Variants in SH3KBP1 observed in about 807,000 individuals in gnomAD.
The protein encoded by SH3KBP1 is SH3 domain-containing kinase-binding protein 1.
In SH3KBP1, 8 loss-of-function variants were observed where a neutral mutation model predicts 50.1. The ratio of observed to expected loss-of-function variants is 0.16; its 90% CI spans 0.09 to 0.29. The LOEUF is 0.29. SH3KBP1 is among the 10% of genes least tolerant of loss of function. The pLI is 1.00. For missense variants in SH3KBP1, 377 were observed against 535.2 expected (o/e 0.70, Z 2.92); for synonymous variants, 227 against 218.6 (o/e 1.04, Z -0.34).
At chrX:19,668,955 TATATATATATATATATA>T (rs1569404784) in intron 6 of SH3KBP1, among the ~76,000 whole-genome samples, 2 of 78,587 alleles carry the variant, frequency 2.5e-5, no homozygotes, top group African/African-American at 8.8e-5. Flanking sequence ...TATATATATA[TATATATATATATATATA>T]TATTTTTTGA....
intron 7 of SH3KBP1, among the ~76,000 whole-genome samples, chrX:19,637,495 T>C (rs959868020): frequency 9.0e-6 from 1 of 111,629 alleles, no homozygotes; most frequent in African/African-American, 3.3e-5. Flanking sequence ...AGTGTCAGAG[T>C]ATCTGAAACG....
At chrX:19,707,252 T>C (rs943848891) in intron 3 of SH3KBP1, among the ~76,000 whole-genome samples, 4 of 111,792 alleles carry the variant, frequency 3.6e-5, no homozygotes, top group African/African-American at 1.3e-4. Context: ...ACCCCACCCC[T>C]GAAGCACTGG....
At chrX:19,638,724 G>A (rs1253406409) in intron 7 of SH3KBP1, among the ~76,000 whole-genome samples, 1 of 111,799 alleles carries the variant, frequency 8.9e-6, no homozygotes, top group Non-Finnish European at 1.9e-5. Flanking sequence ...GGGGGTGGGT[G>A]TGCCATATGC....
Position 19,828,275 on chromosome X carries a change from C to T in SH3KBP1, c.162+7850G>A, listed in dbSNP as rs751352902. Among the ~76,000 whole-genome samples, 12 of 105,471 alleles carry T rather than the reference C, an allele frequency of 1.1e-4. No homozygotes were observed. The South Asian group carries it at 4.4e-3, about 39-fold the overall frequency. 91.6% of individuals were successfully genotyped at this position (105,471 alleles called of 115,157 possible). On this transcript the variant is annotated intron_variant, in intron 2 of 17. Coordinates refer to ENST00000397821, the MANE Select transcript of SH3KBP1 (RefSeq NM_031892.3). ...TTTTCCACTGAGGTTTTTTTTTTTT[C>T]CACTGAGTTCCTCATATCCTCACTG...
At chrX:19,874,143 C>A (rs1368011793) in intron 1 of SH3KBP1, among the ~76,000 whole-genome samples, 1 of 99,110 alleles carries the variant, frequency 1.0e-5, no homozygotes, top group Non-Finnish European at 2.0e-5. Context: ...GAGTAGGGAC[C>A]CATGGCTGGC....
intron 16 of SH3KBP1, among the ~76,000 whole-genome samples, chrX:19,541,563 T>C (rs2064900413): frequency 8.9e-6 from 1 of 112,296 alleles, no homozygotes; most frequent in Non-Finnish European, 1.9e-5. Flanking sequence ...GAGGAAAAGC[T>C]AGCTGTTGAG....
At position 19,546,115 on chromosome X, in the gene SH3KBP1, T is replaced by C. The variant is rs147899357; in HGVS notation, c.1495-65A>G. On this transcript the variant is annotated intron_variant, in intron 14 of 17. Coordinates refer to ENST00000397821, the MANE Select transcript of SH3KBP1 (RefSeq NM_031892.3). ...CCTTAGCTGACACCACTTTCGTTAA[T>C]ATAATGCTGTATGCTTTAAAAGCAC... is the stretch of plus-strand genomic sequence containing the variant. 7.9e-4 allele frequency: 882 copies of C among 1,112,161 alleles called. 5 individuals carry two copies. The African/African-American group carries it at 0.014, about 17-fold the overall frequency. 91.7% of individuals were successfully genotyped at this position (1,112,161 alleles called of 1,213,427 possible). A position where few individuals can be genotyped will look rare whatever the true frequency, so the allele number is the denominator to read the frequency against.
At chrX:19,874,185 C>T (rs2069169379) in intron 1 of SH3KBP1, among the ~76,000 whole-genome samples, 2 of 101,589 alleles carry the variant, frequency 2.0e-5, no homozygotes, top group South Asian at 9.1e-4. Context: ...AACCCTGTCC[C>T]TGGCTCTTCC....
intron 3 of SH3KBP1, among the ~76,000 whole-genome samples, chrX:19,711,816 C>A (rs1380321040): frequency 9.0e-6 from 1 of 111,438 alleles, no homozygotes; most frequent in Non-Finnish European, 1.9e-5. Flanking sequence ...ACCCCTAATT[C>A]CCAGTTTCCA....
At chrX:19,587,861 T>C (rs1384780016) in intron 12 of SH3KBP1, among the ~76,000 whole-genome samples, 2 of 112,552 alleles carry the variant, frequency 1.8e-5, no homozygotes, top group East Asian at 5.6e-4. Flanking sequence ...TAAAGACCTC[T>C]GAGTCACTGA....
chrX:19,817,258 G>A (rs964461496), intron 2 of SH3KBP1, among the ~76,000 whole-genome samples: 1 of 111,360 alleles, frequency 9.0e-6, no homozygotes, highest in Non-Finnish European at 1.9e-5. Context: ...TTTGACTATT[G>A]TAGTTCTCCT....
chrX:19,653,633 C>A (rs2062185582), intron 6 of SH3KBP1, among the ~76,000 whole-genome samples: 1 of 110,222 alleles, frequency 9.1e-6, no homozygotes, highest in Admixed American at 9.8e-5. Context: ...ATCACTTCAA[C>A]CCGGGAGGCG....
chrX:19,579,490 C>T (rs762053069), intron 12 of SH3KBP1, among the ~76,000 whole-genome samples: 4 of 111,999 alleles, frequency 3.6e-5, no homozygotes, highest in Non-Finnish European at 7.5e-5. Context: ...TACTCAAAGA[C>T]ATAGCCCATG....
rs772737171 is a variant in SH3KBP1, at chrX:19,613,119, G to A, written c.898-5074C>T. Among the ~76,000 whole-genome samples the A allele has an allele frequency of 4.4e-5, 5 of 112,450 alleles. No individual in the cohort carries two copies. The South Asian group carries it at 1.5e-3, about 33-fold the overall frequency. On this transcript the variant is annotated intron_variant, in intron 8 of 17. Coordinates refer to ENST00000397821, the MANE Select transcript of SH3KBP1 (RefSeq NM_031892.3). ...TGTGAGGCCCGACTGCCATCAGGGC[G>A]GAAGTGGATGTCCCCAAGGAAGACG... is the stretch of plus-strand genomic sequence containing the variant.
In SH3KBP1 at chrX:19,587,114, C is replaced by T. The variant is rs1215647996; in HGVS notation, c.1298+1529G>A. On this transcript the variant is annotated intron_variant, in intron 12 of 17. Transcript: ENST00000397821. Reference sequence around the variant, plus strand: ...GCACATGCCTGTAGTCCCAGCTACTCGGGAGGCTGGGGCAGGTGAATCCCT... The same window carrying T: ...GCACATGCCTGTAGTCCCAGCTACTTGGGAGGCTGGGGCAGGTGAATCCCT... 2.8e-5 allele frequency among the ~76,000 whole-genome samples: 3 copies of T among 107,170 alleles called. No individual in the cohort carries two copies. The Admixed American group carries it at 3.0e-4, about 11-fold the overall frequency. 93.1% of individuals were successfully genotyped at this position (107,170 alleles called of 115,157 possible).
intron 7 of SH3KBP1, among the ~76,000 whole-genome samples, chrX:19,635,536 T>C (rs1428220284): frequency 1.8e-5 from 2 of 110,343 alleles, no homozygotes; most frequent in East Asian, 5.6e-4. Context: ...ATCCCGTTTT[T>C]TTTTTTTTAG....
At position 19,792,824 on chromosome X, in the gene SH3KBP1, G is replaced by T. The variant is rs2066577465; in HGVS notation, c.162+43301C>A. ...GGGCGGGACGGGCGATTGTGCTATT[G>T]GCATCTAGCGAGTAGACCCCAGAGA... On this transcript the variant is annotated intron_variant, in intron 2 of 17. Coordinates refer to ENST00000397821, the MANE Select transcript of SH3KBP1 (RefSeq NM_031892.3). Among the ~76,000 whole-genome samples, 4 of 108,634 alleles carry T rather than the reference G, an allele frequency of 3.7e-5. No homozygotes were observed. In the Admixed American group the frequency reaches 3.9e-4, roughly 11 times the overall value. The allele number at this position is 108,634 out of a possible 115,157, so 94.3% of individuals were successfully genotyped here.
intron 6 of SH3KBP1, among the ~76,000 whole-genome samples, chrX:19,651,955 T>C (rs889615981): frequency 2.7e-5 from 3 of 111,893 alleles, no homozygotes; most frequent in African/African-American, 9.7e-5. Flanking sequence ...AGGACCTAAA[T>C]GCTCATTATT....
chrX:19,598,169 G>A (rs2066963285), intron 9 of SH3KBP1, among the ~76,000 whole-genome samples: 1 of 111,918 alleles, frequency 8.9e-6, no homozygotes, highest in African/African-American at 3.2e-5. Context: ...GAAGTGTTGT[G>A]GCTGGTTTGA....
Sources: allele counts gnomAD v4.1 joint callset (sites outside exome capture counted in the v4.1 genomes callset), GRCh38; gene constraint gnomAD v4.1.1; transcripts MANE v1.5; gene names NCBI Gene and HGNC (gene_info 2026-07-23, HGNC 2026-07-21).